The following JAK1 variants were observed in gnomAD, a reference collection of about 807,000 sequenced individuals.
JAK1 encodes the protein Janus kinase 1.
Under a neutral mutation model 136.6 loss-of-function variants are expected in JAK1, and 16 were observed. The observed-to-expected ratio is 0.12, with a 90% CI of 0.08 to 0.18. The LOEUF is 0.18. JAK1 is among the 10% of genes least tolerant of loss of function. JAK1 has a pLI of 1.00. For synonymous variants in JAK1, 492 were observed against 519.5 expected (o/e 0.95, Z 0.72); for missense variants, 859 against 1,450.1 (o/e 0.59, Z 6.62).
chr1:65,032,504 AAACAACAAC>A (rs148163509), intron 2 of JAK1, among the ~76,000 whole-genome samples: 1 of 151,770 alleles, frequency 6.6e-6, no homozygotes, highest in Non-Finnish European at 1.5e-5. Flanking sequence ...AATATATGCA[AAACAACAAC>A]AACAACAACA....
intron 1 of JAK1, among the ~76,000 whole-genome samples, chr1:65,053,290 G>A (rs1028525987): frequency 2.0e-5 from 3 of 152,114 alleles, no homozygotes; most frequent in African/African-American, 7.2e-5. Flanking sequence ...AGGTTGCAAT[G>A]AGGCAAGATT....
chr1:64,834,980 CAT>C (rs1459667639), intron 24 of JAK1, among the ~76,000 whole-genome samples: 1 of 152,192 alleles, frequency 6.6e-6, no homozygotes, highest in African/African-American at 2.4e-5. Context: ...CTCTCTGACT[CAT>C]ACTGTTCAGT....
At chr1:64,931,031 G>A (rs1393708849) in intron 1 of JAK1, among the ~76,000 whole-genome samples, 2 of 152,110 alleles carry the variant, frequency 1.3e-5, no homozygotes, top group Non-Finnish European at 2.9e-5. Context: ...ATGGCATTAG[G>A]AGAAATACCT....
Position 64,956,158 on chromosome 1 carries a change from C to A in JAK1, c.-78+10175G>T, listed in dbSNP as rs575098716. 2.0e-5 allele frequency among the ~76,000 whole-genome samples: 3 copies of A among 152,288 alleles called. No individual in the cohort carries two copies. The East Asian group carries it at 5.8e-4, about 29-fold the overall frequency. ...TACTTGTGACAGACTGTACTGTGCT[C>A]AAAGCTGAAAATGTTTACTGTCTTT... On this transcript the variant is annotated intron_variant, in intron 1 of 24. Transcript: ENST00000342505.
rs189539436 is a variant in JAK1, at chr1:64,947,980, G to T, written c.-78+18353C>A. Among the ~76,000 whole-genome samples the T allele has an allele frequency of 1.3e-4, 20 of 152,162 alleles. No homozygotes were observed. In the East Asian group the frequency reaches 3.1e-3, roughly 24 times the overall value. On this transcript the variant is annotated intron_variant, in intron 1 of 24. Transcript: ENST00000342505. ...TACAAATGTTTCCAAATTACCTGAG[G>T]TATAACATAGAAGAGAATGCCTAAA...
At chr1:64,835,550 T>C in intron 23 of JAK1, 44 bp from the exon 24 acceptor site, 1 of 1,144,980 alleles carries the variant, frequency 8.7e-7, no homozygotes, top group Non-Finnish European at 1.3e-6. Context: ...TTTGCAAGTA[T>C]TTACATAAAT....
intron 8 of JAK1, among the ~76,000 whole-genome samples, chr1:64,862,747 C>T (rs775728796): frequency 1.4e-4 from 22 of 152,228 alleles, no homozygotes; most frequent in Admixed American, 1.3e-4. Context: ...TCACTCCCTT[C>T]GGGGTCTCTG....
At chr1:64,946,453 C>T (rs928453318) in intron 1 of JAK1, among the ~76,000 whole-genome samples, 1 of 152,196 alleles carries the variant, frequency 6.6e-6, no homozygotes, top group Non-Finnish European at 1.5e-5. Flanking sequence ...TCTGCTAAAA[C>T]TTGCAAAGGT....
chr1:64,923,952 TATAA>T (rs71801405), intron 1 of JAK1, among the ~76,000 whole-genome samples: 6,772 of 152,282 alleles, frequency 0.044, 241 homozygotes, highest in Admixed American at 0.13. Context: ...ATGTCCTAAC[TATAA>T]ATAAAGAATT....
chr1:64,890,617 T>G (rs1429162268), intron 1 of JAK1, among the ~76,000 whole-genome samples: 1 of 152,194 alleles, frequency 6.6e-6, no homozygotes, highest in African/African-American at 2.4e-5. Flanking sequence ...TGTCTCTTTT[T>G]AAAAACAAAC....
intron 20 of JAK1, among the ~76,000 whole-genome samples, chr1:64,839,087 A>G (rs140607795): frequency 0.01 from 1,384 of 137,022 alleles, 32 homozygotes; most frequent in African/African-American, 0.036. Context: ...CGGAGCTTGC[A>G]GTGAGCCGAG....
chr1:64,885,730 G>A (rs1156467524), intron 2 of JAK1, among the ~76,000 whole-genome samples: 1 of 151,704 alleles, frequency 6.6e-6, no homozygotes, highest in East Asian at 1.9e-4. Flanking sequence ...CTCCAGCCTG[G>A]TGACAGAGCA....
At chr1:65,067,434 G>C (rs1309729321) in intron 1 of JAK1, among the ~76,000 whole-genome samples, 3 of 148,214 alleles carry the variant, frequency 2.0e-5, no homozygotes, top group African/African-American at 7.3e-5. Flanking sequence ...AGACGGGGCC[G>C]GGAGCGCAGC....
intron 1 of JAK1, among the ~76,000 whole-genome samples, chr1:64,950,991 T>C (rs1476899137): frequency 3.9e-5 from 6 of 152,204 alleles, no homozygotes; most frequent in African/African-American, 9.7e-5. Context: ...CTTAAAAGTA[T>C]TACAAGATTT....
intron 2 of JAK1, chr1:64,985,866 C>T: frequency 1.6e-6 from 1 of 621,586 alleles, no homozygotes; most frequent in Non-Finnish European, 2.9e-6. Context: ...AGAAAAGGAG[C>T]TAATCATACA....
At chr1:65,015,813 C>A (rs1243410002) in intron 2 of JAK1, among the ~76,000 whole-genome samples, 2 of 152,120 alleles carry the variant, frequency 1.3e-5, no homozygotes, top group Non-Finnish European at 2.9e-5. Flanking sequence ...AATAGCATTA[C>A]CATATGGCCC....
intron 1 of JAK1, among the ~76,000 whole-genome samples, chr1:64,903,574 T>C (rs1490793612): frequency 1.3e-5 from 2 of 152,214 alleles, no homozygotes; most frequent in African/African-American, 2.4e-5. Flanking sequence ...TAGAATCACA[T>C]ACCTGGGTCC....
intron 2 of JAK1, among the ~76,000 whole-genome samples, chr1:65,039,221 G>C (rs1037993856): frequency 2.0e-5 from 3 of 152,202 alleles, no homozygotes; most frequent in Non-Finnish European, 4.4e-5. Context: ...TGCCAACCTA[G>C]ACATCCTTTT....
chr1:65,004,619 C>G (rs1247669131), intron 2 of JAK1, among the ~76,000 whole-genome samples: 2 of 148,932 alleles, frequency 1.3e-5, no homozygotes, highest in African/African-American at 5.0e-5. Context: ...ATTTAGGAAC[C>G]AAAATTGCAA....
Sources: allele counts gnomAD v4.1 joint callset (sites outside exome capture counted in the v4.1 genomes callset), GRCh38; gene constraint gnomAD v4.1.1; transcripts MANE v1.5; gene names NCBI Gene and HGNC (gene_info 2026-07-23, HGNC 2026-07-21).